Variants in ANKRD36C observed in about 807,000 individuals in gnomAD.
The protein encoded by ANKRD36C is ankyrin repeat domain 36C.
Under a neutral mutation model 276.4 loss-of-function variants are expected in ANKRD36C, and 61 were observed. That is an observed-to-expected ratio of 0.22 (90% CI 0.18 to 0.27). The LOEUF is 0.27. ANKRD36C is among the 10% of genes least tolerant of loss of function. The pLI is 1.00. For missense variants in ANKRD36C, 1,447 were observed against 2,032.3 expected (o/e 0.71, Z 5.54); for synonymous variants, 483 against 680.1 (o/e 0.71, Z 4.51).
chr2:95,919,935 G>C lies in ANKRD36C; in HGVS notation c.2245+1672C>G. 6.5e-7 allele frequency: 1 copy of C among 1,538,578 alleles called. No homozygotes were observed. Among genetic ancestry groups the C allele is most frequent in the Admixed American group, 1.8e-5 (1 of 54,670 alleles). The stretch of plus-strand genomic sequence containing the variant: ...CTGAGAAGACACTGAAAAGCAAAAG[G>C]GATACATAATCACTCATATATAAAT... On this transcript the variant is annotated intron_variant, in intron 34 of 66. Coordinates refer to ENST00000456556, the Ensembl canonical transcript of ANKRD36C.
intron 59 of ANKRD36C, among the ~76,000 whole-genome samples, chr2:95,870,729 G>A (rs1262463659): frequency 6.6e-6 from 1 of 152,110 alleles, no homozygotes; most frequent in Non-Finnish European, 1.5e-5. Flanking sequence ...GCTACAGGAG[G>A]AAATTCAAAC....
chr2:95,859,300 G>T (rs1452788670), intron 61 of ANKRD36C, among the ~76,000 whole-genome samples: 3 of 151,968 alleles, frequency 2.0e-5, no homozygotes, highest in Non-Finnish European at 2.9e-5. Flanking sequence ...CCAAAGTGCT[G>T]GGATTACAGT....
chr2:95,980,866 G>T (rs1489284632), intron 4 of ANKRD36C, 81 bp from the exon 5 acceptor site: 1 of 1,495,558 alleles, frequency 6.7e-7, no homozygotes, highest in Non-Finnish European at 9.0e-7. Context: ...TTAATATGTT[G>T]CCTGTCCATG....
intron 32 of ANKRD36C, among the ~76,000 whole-genome samples, chr2:95,922,044 A>T (rs540150325): frequency 6.6e-6 from 1 of 151,658 alleles, no homozygotes; most frequent in African/African-American, 2.4e-5. Flanking sequence ...CGTATATCTA[A>T]AAGAAAAATA....
intron 5 of ANKRD36C, among the ~76,000 whole-genome samples, chr2:95,979,093 A>C (rs568429511): frequency 1.3e-5 from 2 of 152,164 alleles, no homozygotes; most frequent in African/African-American, 4.8e-5. Context: ...TCTCATTTCC[A>C]AGATACATAC....
chr2:95,920,146 A>C (rs111861058), intron 34 of ANKRD36C, among the ~76,000 whole-genome samples: 1 of 132,054 alleles, frequency 7.6e-6, no homozygotes, highest in African/African-American at 2.6e-5. Flanking sequence ...GGTATGATTC[A>C]TCATACGTCA....
At chr2:95,961,821 A>G (rs1678467164) in intron 8 of ANKRD36C, among the ~76,000 whole-genome samples, 1 of 152,052 alleles carries the variant, frequency 6.6e-6, no homozygotes, top group African/African-American at 2.4e-5. Flanking sequence ...AGTGAGTCCC[A>G]TCAGGTTTCT....
chr2:95,971,150 T>C (rs992850322), intron 6 of ANKRD36C, among the ~76,000 whole-genome samples: 2 of 152,026 alleles, frequency 1.3e-5, no homozygotes, highest in Non-Finnish European at 2.9e-5. Flanking sequence ...ATCAAAACTA[T>C]GGGGACAGCA....
intron 17 of ANKRD36C, among the ~76,000 whole-genome samples, chr2:95,946,907 G>A (rs1678067204): frequency 6.6e-6 from 1 of 151,214 alleles, no homozygotes; most frequent in Non-Finnish European, 1.5e-5. Context: ...GGGGACTGTT[G>A]TGGGGTGGGG....
chr2:95,910,219 T>G (rs531396862), intron 42 of ANKRD36C, among the ~76,000 whole-genome samples, 154 bp downstream of exon 46: 1 of 151,484 alleles, frequency 6.6e-6, no homozygotes, highest in Admixed American at 6.6e-5. Context: ...ACCAGCAGCA[T>G]CAGCATCACC....
rs779465786 is a variant in ANKRD36C at position 95,884,179 on chromosome 2, C to T, written c.3259G>A (p.Gly1087Arg). 5.6e-6 allele frequency: 9 copies of T among 1,606,888 alleles called. No homozygotes were observed. In the South Asian group the frequency reaches 8.8e-5, roughly 16 times the overall value. ...ATGTGTTTTGCAAAATTACCTGTCC[C>T]AGATTTTTCTCCATCCTTTATTTCT... is the stretch of plus-strand genomic sequence containing the variant. The change falls in exon 54 of 67, where the codon GGG becomes AGG. Residue 1087 changes from glycine (G) to arginine (R), a missense_variant. Around this residue, in one of 13 missense-constraint regions of ANKRD36C, gnomAD observed 565 missense variants for 539.5 expected, o/e 1.05. Coordinates refer to ENST00000456556, the Ensembl canonical transcript of ANKRD36C.
rs1289916750 is a variant in ANKRD36C at position 95,919,558 on chromosome 2, C to A, written c.2246-1516G>T. On this transcript the variant is annotated intron_variant, in intron 34 of 66. Coordinates refer to ENST00000456556, the Ensembl canonical transcript of ANKRD36C. ...TTACTGCAAAGATCATGTTCCAGGC[C>A]AACAGCATTAGCGTCTCCCAAGAAA... Among the ~76,000 whole-genome samples the A allele has an allele frequency of 3.8e-5, 5 of 131,862 alleles. 1 individual carries two copies. Among genetic ancestry groups the A allele is most frequent in the African/African-American group, 5.3e-5 (2 of 37,876 alleles). The allele number at this position is 131,862 out of a possible 152,430, so 86.5% of individuals were successfully genotyped here.
chr2:95,956,637 G>A (rs1020246754), intron 13 of ANKRD36C, 149 bp downstream of exon 13: 1 of 908,274 alleles, frequency 1.1e-6, no homozygotes, highest in Non-Finnish European at 1.5e-6. Context: ...CAAATAGTTT[G>A]TAAAGCTGTG....
At chr2:95,924,683 C>T (rs1677358855) in intron 30 of ANKRD36C, among the ~76,000 whole-genome samples, 1 of 151,574 alleles carries the variant, frequency 6.6e-6, no homozygotes, top group South Asian at 2.1e-4. Flanking sequence ...ATGTCTGATA[C>T]TAATAAACAG....
chr2:95,926,341 T>C lies in ANKRD36C; in HGVS notation c.1940-794A>G, dbSNP rs186401570. Among the ~76,000 whole-genome samples, 371 of 151,762 alleles carry C rather than the reference T, an allele frequency of 2.4e-3. 1 individual carries two copies. Among genetic ancestry groups the C allele is most frequent in the Admixed American group, 5.8e-3 (88 of 15,198 alleles). ...CATTTGGAAATCCCTCCAATATTCA[T>C]TGAAAATGAGAATTTTAAAAGTCAA... On this transcript the variant is annotated intron_variant, in intron 28 of 66. Transcript: ENST00000456556.
chr2:95,860,614 G>A (rs1212586646), intron 60 of ANKRD36C, among the ~76,000 whole-genome samples: 1 of 152,182 alleles, frequency 6.6e-6, no homozygotes, highest in Non-Finnish European at 1.5e-5. Flanking sequence ...TTTCAACACA[G>A]TGGACTTCAG....
At chr2:95,925,796 T>C (rs1677389204) in intron 28 of ANKRD36C, among the ~76,000 whole-genome samples, 1 of 151,518 alleles carries the variant, frequency 6.6e-6, no homozygotes, top group African/African-American at 2.4e-5. Flanking sequence ...ATTACTGAAA[T>C]AAAAAGTGTC....
chr2:95,853,830 T>C (rs1675346763), exon 64 of ANKRD36C: 2 of 1,609,072 alleles, frequency 1.2e-6, no homozygotes, highest in Non-Finnish European at 1.7e-6. Context: ...TAAGACATCA[T>C]CTTGTTTTTG....
intron 6 of ANKRD36C, among the ~76,000 whole-genome samples, chr2:95,964,005 ATATATATATG>A (rs1310424457): frequency 1.0e-3 from 38 of 37,444 alleles, no homozygotes; most frequent in Middle Eastern, 0.016. Flanking sequence ...ATATATATAT[ATATATATATG>A]TGTGTGTGTG....
Sources: allele counts gnomAD v4.1 joint callset (sites outside exome capture counted in the v4.1 genomes callset), GRCh38; gene constraint gnomAD v4.1.1; regional missense constraint gnomAD v4.1.1; transcripts MANE v1.5; gene names NCBI Gene and HGNC (gene_info 2026-07-23, HGNC 2026-07-21).